Variants in ADGRD1 observed in about 807,000 individuals in gnomAD.
ADGRD1 encodes adhesion G protein-coupled receptor D1.
Under a neutral mutation model 113.4 loss-of-function variants are expected in ADGRD1, and 77 were observed. That is an observed-to-expected ratio of 0.68 (90% CI 0.57 to 0.82). The LOEUF (loss-of-function observed/expected upper bound fraction) is 0.82. Among genes scored for constraint, ADGRD1 ranks in the 40% least tolerant of loss-of-function variants. The pLI is 0.00. For missense variants in ADGRD1, 1,036 were observed against 1,139.1 expected, an observed-to-expected ratio of 0.91 and a Z score of 1.30; for synonymous variants, 474 against 475.0, an observed-to-expected ratio of 1.00 and a Z score of 0.03.
intron 14 of ADGRD1, among the ~76,000 whole-genome samples, chr12:131,080,484 C>T (rs941187548): frequency 1.3e-5 from 2 of 152,046 alleles, no homozygotes; most frequent in East Asian, 1.9e-4. Context: ...TACACCAAGT[C>T]GATTGATAGT....
At chr12:130,967,159 A>G (rs1220928094) in intron 3 of ADGRD1, 1 of 410,452 alleles carries the variant, frequency 2.4e-6, no homozygotes, top group Non-Finnish European at 5.2e-6. Context: ...GGTCATGCCA[A>G]CTAAGACCAA....
intron 17 of ADGRD1, 70 bp from the exon 18 acceptor site, chr12:131,108,654 G>T (rs1950284801): frequency 5.6e-6 from 9 of 1,608,068 alleles, no homozygotes; most frequent in Non-Finnish European, 1.7e-6. Context: ...ATACTGGGAG[G>T]CTGGGATCAT....
At chr12:131,039,361 G>T (rs1881881180) in intron 13 of ADGRD1, among the ~76,000 whole-genome samples, 1 of 152,256 alleles carries the variant, frequency 6.6e-6, no homozygotes, top group South Asian at 2.1e-4. Context: ...GGAAATGGGG[G>T]AAAAGCCAGC....
At chr12:131,086,193 A>G (rs1397440692) in intron 15 of ADGRD1, among the ~76,000 whole-genome samples, 2 of 152,188 alleles carry the variant, frequency 1.3e-5, no homozygotes, top group African/African-American at 4.8e-5. Flanking sequence ...CCAGAGGGTG[A>G]TGCTGCCCCG....
chr12:131,035,798 A>G (rs560575867), intron 13 of ADGRD1, among the ~76,000 whole-genome samples: 1 of 152,370 alleles, frequency 6.6e-6, no homozygotes, highest in Admixed American at 6.5e-5. Context: ...CCATTTTCCT[A>G]GATATAGACC....
intron 2 of ADGRD1, chr12:130,962,402 T>A (rs1056957936): frequency 1.3e-5 from 2 of 152,336 alleles, no homozygotes; most frequent in African/African-American, 4.8e-5. Flanking sequence ...AAGGGCTTTA[T>A]CGTCCACAGG....
intron 17 of ADGRD1, 138 bp from the exon 18 acceptor site, chr12:131,108,586 A>G (rs1950283832): frequency 8.3e-7 from 1 of 1,208,294 alleles, no homozygotes; most frequent in African/African-American, 1.5e-5. Flanking sequence ...CTTGAGCAAC[A>G]GGAAGATACC....
At chr12:131,009,049 G>A (rs544829239) in intron 12 of ADGRD1, among the ~76,000 whole-genome samples, 73 of 152,364 alleles carry the variant, frequency 4.8e-4, no homozygotes, top group Admixed American at 2.1e-3. Flanking sequence ...GCGGGGCGGG[G>A]GACCTCACCG....
chr12:131,017,812 T>C (rs35375835), intron 13 of ADGRD1, among the ~76,000 whole-genome samples: 27,938 of 129,768 alleles, frequency 0.22, 3,352 homozygotes, highest in African/African-American at 0.39. Context: ...ACACCCAGTG[T>C]GCACACACCC....
chr12:131,108,622 CA>C, intron 17 of ADGRD1, 101 bp from the exon 18 acceptor site: 1 of 1,533,022 alleles, frequency 6.5e-7, no homozygotes, highest in Non-Finnish European at 8.9e-7. Flanking sequence ...GTCACATGAC[CA>C]AAAGACCACC....
At chr12:131,111,428 G>C (rs1950344950) in intron 18 of ADGRD1, among the ~76,000 whole-genome samples, 3 of 152,148 alleles carry the variant, frequency 2.0e-5, no homozygotes, top group Admixed American at 6.5e-5. Flanking sequence ...TAGATGTGTA[G>C]ATTAATTCTC....
intron 20 of ADGRD1, 110 bp downstream of exon 20, chr12:131,121,023 C>G: frequency 1.1e-6 from 1 of 948,698 alleles, no homozygotes; most frequent in Non-Finnish European, 1.6e-6. Context: ...CCGAAGGATG[C>G]AGCGTCGTTC....
chr12:131,135,919 C>T, intron 21 of ADGRD1, 118 bp from the exon 22 acceptor site: 1 of 1,073,246 alleles, frequency 9.3e-7, no homozygotes, highest in Non-Finnish European at 1.4e-6. Context: ...GACCCCAGGT[C>T]TTGCTCCCGG....
chr12:131,039,734 G>A (rs1278965595), intron 13 of ADGRD1, among the ~76,000 whole-genome samples: 1 of 152,234 alleles, frequency 6.6e-6, no homozygotes, highest in Non-Finnish European at 1.5e-5. Context: ...CGCCCCTGCC[G>A]CTAAGCCCAG....
chr12:131,040,270 T>C (rs1881984030), intron 13 of ADGRD1, among the ~76,000 whole-genome samples: 1 of 152,218 alleles, frequency 6.6e-6, no homozygotes, highest in Admixed American at 6.5e-5. Context: ...CTCCTCTCCC[T>C]CCTGCTCTTC....
At chr12:130,999,305 C>T (rs544717373) in intron 8 of ADGRD1, among the ~76,000 whole-genome samples, 42 of 152,336 alleles carry the variant, frequency 2.8e-4, no homozygotes, top group African/African-American at 9.9e-4. Flanking sequence ...TGACACAGGG[C>T]GTGACCCATG....
intron 7 of ADGRD1, among the ~76,000 whole-genome samples, chr12:130,991,319 C>G (rs75883727): frequency 3.9e-5 from 6 of 152,052 alleles, no homozygotes; most frequent in Admixed American, 2.0e-4. Context: ...AAGGAAATAC[C>G]GGGCTCATTC....
At chr12:131,104,717 G>A in intron 15 of ADGRD1, 114 bp from the exon 16 acceptor site, 2 of 639,824 alleles carry the variant, frequency 3.1e-6, no homozygotes, top group Non-Finnish European at 5.3e-6. Flanking sequence ...AGGCTTGGTG[G>A]TCAGCACCAC....
At chr12:131,016,029 C>T (rs548510365) in intron 13 of ADGRD1, among the ~76,000 whole-genome samples, 1 of 152,356 alleles carries the variant, frequency 6.6e-6, no homozygotes, top group African/African-American at 2.4e-5. Flanking sequence ...CAGCAGACAG[C>T]TGCTGTCATT....
Sources: gnomAD v4.1 joint callset for allele counts (sites outside exome capture counted in the v4.1 genomes callset) on GRCh38, gnomAD v4.1.1 for gene constraint, MANE v1.5 for transcripts, NCBI Gene and HGNC (gene_info 2026-07-23, HGNC 2026-07-21) for gene names.